Variants in C12orf42 observed in about 807,000 individuals in gnomAD.
C12orf42 encodes uncharacterized protein C12orf42.
A neutral mutation model predicts 21.6 loss-of-function variants in C12orf42; 25 were observed. The ratio of observed to expected loss-of-function variants is 1.16; its 90% CI spans 0.84 to 1.62. C12orf42 has a LOEUF of 1.62. C12orf42 is among the 40% of genes most tolerant of loss of function. C12orf42 has a pLI of 0.00. For synonymous variants in C12orf42, 174 were observed against 175.0 expected (o/e 0.99, Z 0.05); for missense variants, 483 against 459.3 (o/e 1.05, Z -0.47).
chr12:103,428,994 A>T (rs1950061332), intron 2 of C12orf42, among the ~76,000 whole-genome samples: 1 of 152,240 alleles, frequency 6.6e-6, no homozygotes, highest in South Asian at 2.1e-4. Flanking sequence ...TATTTATGAC[A>T]AACCCACAGC....
intron 4 of C12orf42, among the ~76,000 whole-genome samples, chr12:103,316,771 C>T (rs930686314): frequency 6.6e-6 from 1 of 151,928 alleles, no homozygotes. Context: ...TGAGCCATAT[C>T]CCAAGCGCTT....
At position 103,401,662 on chromosome 12, in the gene C12orf42, T is replaced by C. The variant is rs775909669; in HGVS notation, c.92A>G (p.Tyr31Cys). 6.2e-6 allele frequency: 10 copies of C among 1,613,682 alleles called. 1 individual carries two copies. The highest frequency in any genetic ancestry group is 3.3e-5 in the South Asian group (3 of 91,074). ...GGTGGCACTGCTCACAATGGGAATATAGCAAGGGGATTTCTGAAACATTAG... is the reference window on the plus strand; with the variant it reads ...GGTGGCACTGCTCACAATGGGAATACAGCAAGGGGATTTCTGAAACATTAG... ...FANRMQKSPC[Y>C]IPIVSSATLW... is the part of the protein sequence containing the mutation. Residue 31 changes from tyrosine to cysteine, a missense_variant, in exon 3 of 6, where the codon TAT (tyrosine) becomes TGT (cysteine). By Grantham distance (194) the Tyr-to-Cys change is radical. Transcript: ENST00000548883.
At chr12:103,333,666 C>A (rs533069605) in intron 4 of C12orf42, among the ~76,000 whole-genome samples, 1 of 152,062 alleles carries the variant, frequency 6.6e-6, no homozygotes, top group Non-Finnish European at 1.5e-5. Flanking sequence ...TATCAGGGTC[C>A]TCTTTCAATA....
At chr12:103,276,629 G>A (rs530045068) in intron 5 of C12orf42, among the ~76,000 whole-genome samples, 1 of 152,328 alleles carries the variant, frequency 6.6e-6, no homozygotes, top group African/African-American at 2.4e-5. Flanking sequence ...CAGAGCTGCT[G>A]TCAACCACAA....
intron 1 of C12orf42, among the ~76,000 whole-genome samples, chr12:103,484,038 C>T (rs963348501): frequency 6.6e-6 from 1 of 152,188 alleles, no homozygotes; most frequent in Admixed American, 6.5e-5. Flanking sequence ...ATACGTGCCA[C>T]ATTTTCTTAA....
chr12:103,188,464 G>T, the C12orf42 span, among the ~76,000 whole-genome samples: 296 of 152,088 alleles, frequency 1.9e-3, 2 homozygotes, highest in African/African-American at 7.0e-3. Context: ...GTGAGGATTG[G>T]AACCACAGAA....
chr12:103,205,463 T>A, the C12orf42 span, among the ~76,000 whole-genome samples: 2 of 152,170 alleles, frequency 1.3e-5, no homozygotes, highest in Non-Finnish European at 2.9e-5. Flanking sequence ...TTCACTATCA[T>A]GAAAACAGCA....
At chr12:103,071,062 C>T in the C12orf42 span, among the ~76,000 whole-genome samples, 9 of 152,042 alleles carry the variant, frequency 5.9e-5, no homozygotes, top group African/African-American at 2.2e-4. Context: ...TTTTTCCCAA[C>T]TCATTAGGAA....
At chr12:103,462,158 A>G (rs1952777129) in intron 2 of C12orf42, among the ~76,000 whole-genome samples, 1 of 91,916 alleles carries the variant, frequency 1.1e-5, no homozygotes, top group Non-Finnish European at 2.0e-5. Flanking sequence ...CCCAGGCTGG[A>G]GTGCAATGGT....
the C12orf42 span, among the ~76,000 whole-genome samples, chr12:103,072,529 C>T: frequency 6.6e-6 from 1 of 151,966 alleles, no homozygotes; most frequent in Non-Finnish European, 1.5e-5. Flanking sequence ...TAGTCATCAA[C>T]TCATCAATTC....
At chr12:103,076,084 T>G in the C12orf42 span, among the ~76,000 whole-genome samples, 1 of 152,024 alleles carries the variant, frequency 6.6e-6, no homozygotes, top group Non-Finnish European at 1.5e-5. Context: ...TGTTGGGGGA[T>G]GGGGCTAGGG....
intron 4 of C12orf42, among the ~76,000 whole-genome samples, chr12:103,296,333 T>A (rs2037282793): frequency 6.6e-6 from 1 of 152,142 alleles, no homozygotes; most frequent in Non-Finnish European, 1.5e-5. Context: ...CACGTGTGCA[T>A]GTGTCTTTAT....
In C12orf42 at chr12:103,306,015, C is replaced by G. The variant is rs2038269022; in HGVS notation, c.590G>C (p.Arg197Thr). The G allele has an allele frequency of 3.1e-6, 5 of 1,613,364 alleles. No individual in the cohort carries two copies. The highest frequency in any genetic ancestry group is 4.2e-6 in the Non-Finnish European group (5 of 1,179,348). The change falls in exon 5 of 6, where the codon AGA becomes ACA. Residue 197 changes from arginine (R) to threonine (T), a missense_variant. Arg to Thr is a moderately conservative substitution (Grantham distance 71, BLOSUM62 -1). Coordinates refer to ENST00000548883, the MANE Select transcript of C12orf42 (RefSeq NM_198521.5). The stretch of plus-strand genomic sequence containing the variant: ...ACTGCTCAAGGGCTGGCCCTTAGGT[C>G]TTGTGTGTCTACTGATGTGTATGCC... The part of the protein sequence containing the change: ...AQGIHISRHT[R>T]PKGQPLSSPK...
the C12orf42 span, among the ~76,000 whole-genome samples, chr12:103,127,232 G>C: frequency 6.6e-6 from 1 of 152,248 alleles, no homozygotes; most frequent in African/African-American, 2.4e-5. Context: ...TAAGTTTTTT[G>C]CATAAGAATA....
intron 4 of C12orf42, 55 bp from the exon 5 acceptor site, chr12:103,306,400 T>G (rs1447881394): frequency 1.0e-5 from 15 of 1,506,094 alleles, no homozygotes; most frequent in Non-Finnish European, 1.3e-5. Flanking sequence ...CCTGCTAAAT[T>G]AATGGCAGGA....
At chr12:103,162,387 T>C in the C12orf42 span, among the ~76,000 whole-genome samples, 1 of 152,010 alleles carries the variant, frequency 6.6e-6, no homozygotes, top group African/African-American at 2.4e-5. Flanking sequence ...CCAAATCCCC[T>C]GCAGGGCCCA....
chr12:103,324,816 G>A lies in C12orf42; in HGVS notation c.260-18471C>T, dbSNP rs80017880. Among the ~76,000 whole-genome samples, 884 of 152,324 alleles carry A rather than the reference G, an allele frequency of 5.8e-3. 11 individuals are homozygous for A. The highest frequency in any genetic ancestry group is 0.02 in the African/African-American group (843 of 41,574). ...GGAAGAAAAAACTGCAGTGGCAGAT[G>A]ATCCATGGGGCTGCAGAGCTCCTGT... On this transcript the variant is annotated intron_variant, in intron 4 of 5. Transcript: ENST00000548883.
At chr12:103,106,527 A>C in the C12orf42 span, among the ~76,000 whole-genome samples, 1 of 152,004 alleles carries the variant, frequency 6.6e-6, no homozygotes, top group Non-Finnish European at 1.5e-5. Context: ...AAAAAGTGGC[A>C]TGAGTGATCT....
At chr12:103,455,265 C>T (rs549497713) in intron 2 of C12orf42, among the ~76,000 whole-genome samples, 11 of 152,220 alleles carry the variant, frequency 7.2e-5, no homozygotes, top group East Asian at 1.9e-4. Context: ...CAATCTCCCA[C>T]GCTTTCAAAT....
Sources: gnomAD v4.1 joint callset for allele counts (sites outside exome capture counted in the v4.1 genomes callset) on GRCh38, gnomAD v4.1.1 for gene constraint, MANE v1.5 for transcripts, NCBI Gene and HGNC (gene_info 2026-07-23, HGNC 2026-07-21) for gene names.